The following HLTF variants were observed in gnomAD, a reference collection of about 807,000 sequenced individuals.
HLTF encodes helicase like transcription factor, also known as DNA-dependent ATPase/E3 ubiquitin-protein ligase HLTF.
HLTF carries 127 observed loss-of-function variants against 129.4 expected under a neutral mutation model. That is an observed-to-expected ratio of 0.98 (90% CI 0.85 to 1.14). The LOEUF (loss-of-function observed/expected upper bound fraction) is 1.14. HLTF is among the 50% of genes most tolerant of loss of function. The pLI is 0.00. For missense variants in HLTF, 1,139 were observed against 1,187.1 expected, an observed-to-expected ratio of 0.96 and a Z score of 0.60; for synonymous variants, 332 against 388.8, an observed-to-expected ratio of 0.85 and a Z score of 1.72.
At chr3:149,054,049 AC>A (rs1398137316) in intron 14 of HLTF, among the ~76,000 whole-genome samples, 2 of 152,122 alleles carry the variant, frequency 1.3e-5, no homozygotes, top group Non-Finnish European at 2.9e-5. Flanking sequence ...AAATAAATAA[AC>A]CAAAAACTTA....
In HLTF at chr3:149,064,851, C is replaced by T. The variant is rs1281378928; in HGVS notation, c.1006G>A (p.Asp336Asn). 8.8e-6 allele frequency: 14 copies of T among 1,591,288 alleles called. No homozygotes were observed. Among genetic ancestry groups the T allele is most frequent in the Non-Finnish European group, 1.2e-5 (14 of 1,160,288 alleles). Reference sequence around the variant, plus strand: ...TTTCCTCCAAGTTTCATAGAGTCATCGTTAACATTATATTCCTGGGTAAAT... The same window carrying T: ...TTTCCTCCAAGTTTCATAGAGTCATTGTTAACATTATATTCCTGGGTAAAT... ...NLLKKEYNVN[D>N]DSMKLGGNNT... The change falls in exon 9 of 25, where the codon GAT becomes AAT. Residue 336 changes from aspartate (D) to asparagine (N), a missense_variant. Coordinates refer to ENST00000310053, the MANE Select transcript of HLTF (RefSeq NM_003071.4).
Position 149,050,391 on chromosome 3 carries a change from G to C in HLTF, c.1474-16C>G. 1 of 1,530,464 alleles carries C rather than the reference G, an allele frequency of 6.5e-7. No homozygotes were observed. Among genetic ancestry groups the C allele is most frequent in the Non-Finnish European group, 8.9e-7 (1 of 1,128,070 alleles). The allele number at this position is 1,530,464 out of a possible 1,614,324, so 94.8% of individuals were successfully genotyped here. A position where few individuals can be genotyped will look rare whatever the true frequency, so the allele number is the denominator to read the frequency against. The stretch of plus-strand genomic sequence containing the variant: ...CAAACTGGTCCTAAAGAAAAATTAG[G>C]AATATTTTTAACAATGAGCAGATTT... On this transcript the variant is annotated splice_polypyrimidine_tract_variant and intron_variant, in intron 14 of 24. Coordinates refer to ENST00000310053, the MANE Select transcript of HLTF (RefSeq NM_003071.4).
Position 149,042,262 on chromosome 3 carries a change from G to GT in HLTF, c.2100dup (p.His701ThrfsTer11). The GT allele has an allele frequency of 6.2e-7, 1 of 1,612,460 alleles. No homozygotes were observed. Among genetic ancestry groups the GT allele is most frequent in the Non-Finnish European group, 8.5e-7 (1 of 1,178,704 alleles). On this transcript the variant is annotated frameshift_variant, in exon 19 of 25. Coordinates refer to ENST00000310053, the MANE Select transcript of HLTF (RefSeq NM_003071.4). LOFTEE classifies it high-confidence loss of function. ...AAAAGACCCAGGACATCTGCATAAT[G>GT]TGCCAGGACAGTCCCTTCATTAAAA... is the stretch of plus-strand genomic sequence containing the variant.
Position 149,063,521 on chromosome 3 carries a change from G to C in HLTF, c.1070C>G (p.Ala357Gly), listed in dbSNP as rs758864585. 5.1e-6 allele frequency: 8 copies of C among 1,582,738 alleles called. No homozygotes were observed. The highest frequency in any genetic ancestry group is 1.7e-4 in the Middle Eastern group (1 of 6,010). The stretch of plus-strand genomic sequence containing the variant: ...ACTGGGTTGTTCACTACATCTAGAT[G>C]CGTCTATTTCAAAGAAAAATGCAAA... Reference protein sequence around the residue: ...SEKADGLSKDASRCSEQPSIS... With the variant: ...SEKADGLSKDGSRCSEQPSIS... The change falls in exon 10 of 25, where the codon GCA (alanine) becomes GGA (glycine). Residue 357 changes from alanine (A) to glycine (G), a missense_variant. Physicochemically the swap from Ala to Gly is moderately conservative, Grantham distance 60. Coordinates refer to ENST00000310053, the MANE Select transcript of HLTF (RefSeq NM_003071.4).
chr3:149,086,378 G>A lies in HLTF; in HGVS notation c.-42C>T. 2 of 1,566,222 alleles carry A rather than the reference G, an allele frequency of 1.3e-6. No individual in the cohort carries two copies. The highest frequency in any genetic ancestry group is 1.7e-6 in the Non-Finnish European group (2 of 1,155,108). On this transcript the variant is annotated 5_prime_UTR_variant, in exon 1 of 25. Coordinates refer to ENST00000310053, the MANE Select transcript of HLTF (RefSeq NM_003071.4). Reference sequence around the variant, plus strand: ...ACAAGAGGAGCGCCTCGGCTCCCCTGGATCGTTTTCGAGCCGCCTCGATAC... The same window carrying A: ...ACAAGAGGAGCGCCTCGGCTCCCCTAGATCGTTTTCGAGCCGCCTCGATAC...
At chr3:149,059,184 T>G (rs558370704) in intron 13 of HLTF, among the ~76,000 whole-genome samples, 1 of 151,590 alleles carries the variant, frequency 6.6e-6, no homozygotes, top group South Asian at 2.1e-4. Context: ...GCCTGCTATA[T>G]CCCCAACATG....
chr3:149,037,447 G>A (rs185188127), intron 23 of HLTF, among the ~76,000 whole-genome samples: 238 of 134,586 alleles, frequency 1.8e-3, no homozygotes, highest in Middle Eastern at 8.9e-3. Context: ...CAGCATGGGC[G>A]ACAGAGCAAG....
At chr3:149,066,310 T>G (rs1718379567) in intron 8 of HLTF, among the ~76,000 whole-genome samples, 1 of 152,180 alleles carries the variant, frequency 6.6e-6, no homozygotes, top group African/African-American at 2.4e-5. Context: ...CCTCCCAAAG[T>G]GCTGGGATTA....
intron 19 of HLTF, 93 bp from the exon 20 acceptor site, chr3:149,041,761 G>A: frequency 1.1e-5 from 9 of 848,172 alleles, no homozygotes; most frequent in South Asian, 5.2e-5. Context: ...TTGCCAGTAG[G>A]GAAAGTCTCT....
rs1717760965 is a variant in HLTF at position 149,059,725 on chromosome 3, CA to C, written c.1367del (p.Leu456Ter). Reference protein sequence around the residue: ...SSVPTTKKKMLKKGACAVEGS... With the variant: ...SSVPTTKKKMXKKGACAVEGS... ...ACAAGGATATTTACTGACCCTTTTT[CA>C]ACATTTTCTTTTTTGTTGTAGGAAC... On this transcript the variant is annotated frameshift_variant, in exon 13 of 25. Transcript: ENST00000310053. LOFTEE classifies it high-confidence loss of function. 6.3e-7 allele frequency: 1 copy of C among 1,581,102 alleles called. No individual in the cohort carries two copies.
intron 8 of HLTF, among the ~76,000 whole-genome samples, chr3:149,067,258 A>C (rs1430037644): frequency 2.0e-5 from 3 of 151,888 alleles, no homozygotes; most frequent in African/African-American, 7.3e-5. Flanking sequence ...GACATAAGTT[A>C]TTATTAACAT....
chr3:149,041,672 G>A lies in HLTF; in HGVS notation c.2198-4C>T. The A allele has an allele frequency of 1.3e-6, 2 of 1,595,896 alleles. No individual in the cohort carries two copies. Among genetic ancestry groups the A allele is most frequent in the African/African-American group, 1.3e-5 (1 of 74,540 alleles). On this transcript the variant is annotated splice_polypyrimidine_tract_variant and splice_region_variant and intron_variant, in intron 19 of 24. Transcript: ENST00000310053. ...AGTTCTTCAGGTGTATCATTTCCTA[G>A]AGAAAAGGCTGAAAAATTAATTTCA... is the stretch of plus-strand genomic sequence containing the variant.
At position 149,075,989 on chromosome 3, in the gene HLTF, T is replaced by C. The variant is rs373511315; in HGVS notation, c.287A>G (p.Asn96Ser). Residue 96 changes from asparagine to serine, a missense_variant, in exon 3 of 25, where the codon AAT becomes AGT. Coordinates refer to ENST00000310053, the MANE Select transcript of HLTF (RefSeq NM_003071.4). ...QRDPNNPYDK[N>S]AIKVNNVNGN... ...ATTCACATTGTTTACTTTAATTGCA[T>C]TCTTATCATAAGGGTTATTAGGATC... The C allele has an allele frequency of 7.7e-6, 12 of 1,561,000 alleles. No individual in the cohort carries two copies. The highest frequency in any genetic ancestry group is 1.1e-5 in the Non-Finnish European group (12 of 1,133,282).
chr3:149,085,666 CA>C lies in HLTF; in HGVS notation c.20+650del, dbSNP rs571935971. Among the ~76,000 whole-genome samples, 11 of 152,272 alleles carry C rather than the reference CA, an allele frequency of 7.2e-5. No homozygotes were observed. The East Asian group carries it at 2.1e-3, about 29-fold the overall frequency. ...CGAGCAGAACACCTATTCTGGTATC[CA>C]AACCACGCCACCGTGGGAAATTGGC... On this transcript the variant is annotated intron_variant, in intron 1 of 24. Transcript: ENST00000310053.
chr3:149,077,234 G>C (rs1275048565), intron 2 of HLTF, among the ~76,000 whole-genome samples: 1 of 150,000 alleles, frequency 6.7e-6, no homozygotes, highest in African/African-American at 2.5e-5. Flanking sequence ...GTGACAGAGC[G>C]AGACTTCATC....
At chr3:149,039,428 C>T (rs1715928093) in intron 22 of HLTF, among the ~76,000 whole-genome samples, 153 bp downstream of exon 22, 1 of 152,056 alleles carries the variant, frequency 6.6e-6, no homozygotes, top group Admixed American at 6.5e-5. Flanking sequence ...AATTCTTGTG[C>T]TGCCAGGAAG....
At chr3:149,072,683 T>C (rs1473741590) in intron 5 of HLTF, among the ~76,000 whole-genome samples, 1 of 152,206 alleles carries the variant, frequency 6.6e-6, no homozygotes, top group Non-Finnish European at 1.5e-5. Flanking sequence ...AGGGTAAATA[T>C]GGTAACTACA....
chr3:149,071,713 G>C (rs1306115332), intron 5 of HLTF, 56 bp from the exon 6 acceptor site: 1 of 1,062,952 alleles, frequency 9.4e-7, no homozygotes, highest in Non-Finnish European at 1.4e-6. Context: ...AATAATACTT[G>C]CATTTAAGTC....
chr3:149,068,817 A>G (rs1263319524), intron 7 of HLTF, among the ~76,000 whole-genome samples: 1 of 152,194 alleles, frequency 6.6e-6, no homozygotes, highest in Non-Finnish European at 1.5e-5. Flanking sequence ...CTTAAGTGGA[A>G]GTATGTAATT....
Sources: allele counts gnomAD v4.1 joint callset (sites outside exome capture counted in the v4.1 genomes callset), GRCh38; gene constraint gnomAD v4.1.1; transcripts MANE v1.5; gene names NCBI Gene and HGNC (gene_info 2026-07-23, HGNC 2026-07-21).